Variants in CCDC88C observed in about 807,000 individuals in gnomAD.
The protein encoded by CCDC88C is coiled-coil and HOOK domain protein 88C, also known as protein Daple.
CCDC88C carries 131 observed loss-of-function variants against 198.8 expected under a neutral mutation model. The ratio of observed to expected loss-of-function variants is 0.66; its 90% CI spans 0.57 to 0.76. The LOEUF (loss-of-function observed/expected upper bound fraction) is 0.76. Ranked by LOEUF, CCDC88C falls within the 30% of genes least tolerant of loss-of-function variation. The pLI, the probability that CCDC88C is intolerant of heterozygous loss-of-function variation, is 0.00. For synonymous variants in CCDC88C, 1,166 were observed against 1,114.7 expected, an observed-to-expected ratio of 1.05 and a Z score of -0.92; for missense variants, 2,553 against 2,631.6, an observed-to-expected ratio of 0.97 and a Z score of 0.65.
rs778738440 is a variant in CCDC88C, at chr14:91,307,023, G to C, written c.3195+15C>G. ...CTCTGTCCCCGATGGACCATGCCCA[G>C]GCCAGCCCACTCACATTCCGCTCCA... On this transcript the variant is annotated intron_variant, in intron 18 of 29. Transcript: ENST00000389857. The C allele has an allele frequency of 6.2e-7, 1 of 1,601,250 alleles. No homozygotes were observed. The highest frequency in any genetic ancestry group is 8.5e-7 in the Non-Finnish European group (1 of 1,172,810).
In CCDC88C at chr14:91,313,511, G is replaced by T. The variant is rs754577307; in HGVS notation, c.2305C>A (p.Leu769Ile). ...CTCTCCAGGCTCTGCTGCAGCCGGA[G>T]GTTCTCAGCGCTCACGCTCTGGTAG... ...LSYQSVSAEN[L>I]RLQQSLESSS... Residue 769 changes from leucine to isoleucine, a missense_variant, in exon 15 of 30, where the codon CTC (leucine) becomes ATC (isoleucine). Around this residue, in one of 2 missense-constraint regions of CCDC88C, gnomAD observed 1,260 missense variants for 1,412.0 expected, o/e 0.89. Transcript: ENST00000389857. The surrounding 1 kb of genome is among the most constrained non-coding windows in gnomAD (Gnocchi z 5.2). The T allele has an allele frequency of 6.2e-7, 1 of 1,608,820 alleles. No individual in the cohort carries two copies. Among genetic ancestry groups the T allele is most frequent in the African/African-American group, 1.3e-5 (1 of 75,070 alleles).
chr14:91,273,065 T>A lies in CCDC88C; in HGVS notation c.5647A>T (p.Thr1883Ser), dbSNP rs750278954. ...GGGGGAGCCAGGGAGAAGCGCCTCG[T>A]GTCCAGCGGCCGGCTGCGGGGACCT... ...GPGPRSRPLD[T>S]RRFSLAPPKE... is the part of the protein sequence containing the mutation. The change falls in exon 30 of 30, where the codon ACG becomes TCG. Residue 1883 changes from threonine to serine, a missense_variant. Transcript: ENST00000389857. The surrounding 1 kb of genome is among the most constrained non-coding windows in gnomAD (Gnocchi z 5.6). The A allele has an allele frequency of 1.5e-5, 24 of 1,559,580 alleles. No individual in the cohort carries two copies. The South Asian group carries it at 2.8e-4, about 18-fold the overall frequency.
intron 3 of CCDC88C, among the ~76,000 whole-genome samples, chr14:91,399,790 G>T (rs181620738): frequency 3.6e-4 from 53 of 147,582 alleles, no homozygotes; most frequent in African/African-American, 1.2e-3. Context: ...AGTGAGCCGA[G>T]ATCGCGCCAC....
At chr14:91,280,333 A>T (rs1239500734) in intron 27 of CCDC88C, among the ~76,000 whole-genome samples, 1 of 152,216 alleles carries the variant, frequency 6.6e-6, no homozygotes, top group Non-Finnish European at 1.5e-5. Flanking sequence ...CCAAGGGCTG[A>T]GGTGCTCTGC....
Position 91,352,589 on chromosome 14 carries a change from T to G in CCDC88C, c.340+7053A>C, listed in dbSNP as rs1893863822. ...TGCAAGATTAGCTTTTTCTTATTTC[T>G]TCCCTCCCATTCAAACGCCCAAAAC... is the stretch of plus-strand genomic sequence containing the variant. On this transcript the variant is annotated intron_variant, in intron 4 of 29. Transcript: ENST00000389857. This position sits in a 1 kb window ranked among gnomAD's most constrained non-coding sequence, Gnocchi z 4.2. Among the ~76,000 whole-genome samples the G allele has an allele frequency of 6.6e-6, 1 of 152,224 alleles. No homozygotes were observed. Among genetic ancestry groups the G allele is most frequent in the African/African-American group, 2.4e-5 (1 of 41,434 alleles).
intron 10 of CCDC88C, among the ~76,000 whole-genome samples, chr14:91,332,518 G>A (rs544100220): frequency 6.6e-6 from 1 of 152,150 alleles, no homozygotes; most frequent in Non-Finnish European, 1.5e-5. Context: ...CTGAAGCCCG[G>A]GTCCTTTATC....
chr14:91,346,760 G>A (rs1406471505), intron 4 of CCDC88C, among the ~76,000 whole-genome samples: 4 of 152,266 alleles, frequency 2.6e-5, no homozygotes, highest in Non-Finnish European at 2.9e-5. Context: ...TTAGCTGGGC[G>A]TGGTGGCACG....
At chr14:91,416,899 A>G in intron 1 of CCDC88C, 61 bp from the exon 2 acceptor site, 1 of 1,226,542 alleles carries the variant, frequency 8.2e-7, no homozygotes. Flanking sequence ...CAAACGGTCC[A>G]AAGCTCTCCC....
rs1276818339 is a variant in CCDC88C at position 91,291,095 on chromosome 14, A to C, written c.4113-11T>G. On this transcript the variant is annotated splice_polypyrimidine_tract_variant and intron_variant, in intron 23 of 29. Transcript: ENST00000389857. Reference sequence around the variant, plus strand: ...GCATTTAATTTGTCTCTGTGAATATAGGAGAAAGAAAACCTATCAATCCAG... The same window carrying C: ...GCATTTAATTTGTCTCTGTGAATATCGGAGAAAGAAAACCTATCAATCCAG... The C allele has an allele frequency of 2.8e-6, 4 of 1,432,808 alleles. No homozygotes were observed. Among genetic ancestry groups the C allele is most frequent in the Non-Finnish European group, 3.9e-6 (4 of 1,031,930 alleles). 88.8% of individuals were successfully genotyped at this position (1,432,808 alleles called of 1,614,324 possible). A position where few individuals can be genotyped will look rare whatever the true frequency, so the allele number is the denominator to read the frequency against.
At chr14:91,378,382 C>T (rs1025019902) in intron 3 of CCDC88C, among the ~76,000 whole-genome samples, 3 of 152,200 alleles carry the variant, frequency 2.0e-5, no homozygotes, top group East Asian at 1.9e-4. Flanking sequence ...GCCCGGGGAG[C>T]GCTGGGCCTG....
At chr14:91,377,673 T>C (rs539292000) in intron 3 of CCDC88C, among the ~76,000 whole-genome samples, 1 of 152,318 alleles carries the variant, frequency 6.6e-6, no homozygotes, top group Non-Finnish European at 1.5e-5. Context: ...CTGAGAATTA[T>C]GTTCATCTGT....
rs78037497 is a variant in CCDC88C, at chr14:91,313,223, C to A, written c.2593G>T (p.Val865Phe). Residue 865 changes from valine to phenylalanine, a missense_variant, in exon 15 of 30, where the codon GTT (valine) becomes TTT (phenylalanine). Around this residue, in one of 2 missense-constraint regions of CCDC88C, gnomAD observed 1,260 missense variants for 1,412.0 expected, o/e 0.89. Coordinates refer to ENST00000389857, the MANE Select transcript of CCDC88C (RefSeq NM_001080414.4). This position sits in a 1 kb window ranked among gnomAD's most constrained non-coding sequence, Gnocchi z 5.2. ...TCCAGCGCGCGGCTCTCCTTCTCAA[C>A]GGCGGACAGTTTGGCAGTGCTATCG... Reference protein sequence around the residue: ...LDDSTAKLSAVEKESRALDKE... With the variant: ...LDDSTAKLSAFEKESRALDKE... 6.2e-7 allele frequency: 1 copy of A among 1,613,834 alleles called. No individual in the cohort carries two copies. Among genetic ancestry groups the A allele is most frequent in the African/African-American group, 1.3e-5 (1 of 74,930 alleles).
chr14:91,286,899 G>A (rs181292907), intron 25 of CCDC88C, among the ~76,000 whole-genome samples: 119 of 152,292 alleles, frequency 7.8e-4, no homozygotes, highest in Non-Finnish European at 1.4e-3. Context: ...GGGAGGCCAC[G>A]TCCACCTGCC....
chr14:91,291,329 G>A (rs1169665383), intron 23 of CCDC88C, among the ~76,000 whole-genome samples: 4 of 152,218 alleles, frequency 2.6e-5, no homozygotes, highest in Admixed American at 6.5e-5. Context: ...CTGTGAGCGA[G>A]CTCAAGGCAG....
intron 20 of CCDC88C, 145 bp from the exon 21 acceptor site, chr14:91,300,215 A>G (rs1447859002): frequency 3.6e-5 from 46 of 1,262,736 alleles, no homozygotes; most frequent in Non-Finnish European, 4.9e-5. Flanking sequence ...GGCATGGGGC[A>G]GGGAACAGGC....
intron 4 of CCDC88C, among the ~76,000 whole-genome samples, chr14:91,348,093 C>T (rs570227498): frequency 6.6e-6 from 1 of 152,096 alleles, no homozygotes; most frequent in East Asian, 1.9e-4. Context: ...GCAACCTCTG[C>T]CTCCTGGGTT....
At position 91,325,122 on chromosome 14, in the gene CCDC88C, C is replaced by T. The variant is rs1212072247; in HGVS notation, c.1198-199G>A. Among the ~76,000 whole-genome samples, 2 of 152,170 alleles carry T rather than the reference C, an allele frequency of 1.3e-5. No homozygotes were observed. Among genetic ancestry groups the T allele is most frequent in the African/African-American group, 4.8e-5 (2 of 41,432 alleles). On this transcript the variant is annotated intron_variant, in intron 11 of 29. Coordinates refer to ENST00000389857, the MANE Select transcript of CCDC88C (RefSeq NM_001080414.4). This position sits in a 1 kb window ranked among gnomAD's most constrained non-coding sequence, Gnocchi z 4.1. ...GGAAAGCCACTCAAAGGTACCCTGA[C>T]CTGGCTACCTAGGTTATGAAGACAG...
chr14:91,290,676 T>G (rs930984494), intron 24 of CCDC88C, among the ~76,000 whole-genome samples: 1 of 152,234 alleles, frequency 6.6e-6, no homozygotes, highest in Non-Finnish European at 1.5e-5. Flanking sequence ...TGTTTAATCC[T>G]GAGACGAAAA....
chr14:91,403,419 G>A (rs965481491), intron 3 of CCDC88C, among the ~76,000 whole-genome samples: 6 of 152,182 alleles, frequency 3.9e-5, no homozygotes, highest in Admixed American at 2.0e-4. Flanking sequence ...CAGACAAGGC[G>A]CCGGACTGAA....
Sources: gnomAD v4.1 joint callset for allele counts (sites outside exome capture counted in the v4.1 genomes callset) on GRCh38, gnomAD v4.1.1 for gene constraint, gnomAD v4.1.1 regional missense constraint, Gnocchi (gnomAD v3.1) non-coding constraint, MANE v1.5 for transcripts, NCBI Gene and HGNC (gene_info 2026-07-23, HGNC 2026-07-21) for gene names.